Variants in TMEM163 observed in about 807,000 individuals in gnomAD.
TMEM163 encodes the protein transmembrane protein 163.
A neutral mutation model predicts 29.3 loss-of-function variants in TMEM163; 17 were observed. The ratio of observed to expected loss-of-function variants is 0.58; its 90% CI spans 0.40 to 0.87. The LOEUF is 0.87. TMEM163 is among the 40% of genes least tolerant of loss of function. The pLI, the probability that TMEM163 is intolerant of heterozygous loss-of-function variation, is 0.00. For missense variants in TMEM163, 303 were observed against 381.5 expected (o/e 0.79, Z 1.71); for synonymous variants, 157 against 160.6 (o/e 0.98, Z 0.17).
At chr2:134,640,371 G>A (rs1160486623) in intron 2 of TMEM163, among the ~76,000 whole-genome samples, 1 of 152,052 alleles carries the variant, frequency 6.6e-6, no homozygotes, top group Non-Finnish European at 1.5e-5. Context: ...AAAAAGAAAA[G>A]AAATAGCTTT....
chr2:134,679,793 G>A (rs960794877), intron 2 of TMEM163, among the ~76,000 whole-genome samples: 1 of 152,046 alleles, frequency 6.6e-6, no homozygotes, highest in Admixed American at 6.5e-5. Flanking sequence ...CCAGACCTTC[G>A]TCGCCAGCTC....
intron 2 of TMEM163, among the ~76,000 whole-genome samples, chr2:134,661,732 C>T (rs879434079): frequency 9.9e-5 from 15 of 152,012 alleles, no homozygotes; most frequent in Admixed American, 4.6e-4. Context: ...TGCAAATGTA[C>T]GTAGAGCTCA....
At chr2:134,475,139 CAAG>C (rs1480991284) in intron 5 of TMEM163, among the ~76,000 whole-genome samples, 6 of 152,018 alleles carry the variant, frequency 3.9e-5, no homozygotes, top group Non-Finnish European at 1.5e-5. Flanking sequence ...CTATTGTAAT[CAAG>C]AAGTAATACT....
chr2:134,699,203 A>T (rs1574348378), intron 2 of TMEM163, among the ~76,000 whole-genome samples: 1 of 152,310 alleles, frequency 6.6e-6, no homozygotes, highest in Admixed American at 6.5e-5. Flanking sequence ...GCGTATTATA[A>T]TCAAAAGTGT....
chr2:134,681,322 G>T (rs771617119), intron 2 of TMEM163, among the ~76,000 whole-genome samples: 1 of 152,148 alleles, frequency 6.6e-6, no homozygotes, highest in Non-Finnish European at 1.5e-5. Flanking sequence ...TGCCGGGAAG[G>T]CTGGCTATGC....
intron 2 of TMEM163, among the ~76,000 whole-genome samples, chr2:134,605,622 C>T (rs747370078): frequency 2.0e-5 from 3 of 150,284 alleles, no homozygotes; most frequent in Non-Finnish European, 4.4e-5. Flanking sequence ...CACTGGAACC[C>T]GGGAGGTGAG....
chr2:134,551,898 A>G, intron 3 of TMEM163, 150 bp downstream of exon 3: 1 of 630,046 alleles, frequency 1.6e-6, no homozygotes, highest in Non-Finnish European at 2.8e-6. Context: ...TTAAATTTTC[A>G]TTTTTTAATA....
At chr2:134,573,192 A>T (rs1681473041) in intron 2 of TMEM163, among the ~76,000 whole-genome samples, 1 of 152,226 alleles carries the variant, frequency 6.6e-6, no homozygotes, top group Non-Finnish European at 1.5e-5. Context: ...GAAAGGCATG[A>T]ACACAGAAGA....
chr2:134,462,830 G>T (rs1419350090), intron 6 of TMEM163, among the ~76,000 whole-genome samples: 2 of 152,226 alleles, frequency 1.3e-5, no homozygotes, highest in African/African-American at 4.8e-5. Flanking sequence ...AAGGAGGGGG[G>T]TCAAGTCCCA....
intron 5 of TMEM163, among the ~76,000 whole-genome samples, chr2:134,499,301 A>T (rs998378166): frequency 6.6e-6 from 1 of 152,262 alleles, no homozygotes; most frequent in African/African-American, 2.4e-5. Context: ...AACAAACAAA[A>T]ATTAAGCAGC....
Position 134,460,660 on chromosome 2 carries a change from G to A in TMEM163, c.668-2487C>T, listed in dbSNP as rs1686515029. Among the ~76,000 whole-genome samples, 1 of 152,148 alleles carries A rather than the reference G, an allele frequency of 6.6e-6. No individual in the cohort carries two copies. Among genetic ancestry groups the A allele is most frequent in the Admixed American group, 6.5e-5 (1 of 15,274 alleles). ...CCCAGGAGAAGCAAGCCCAAGCCAGGTGCTGCTCAGAAAAGAGGCAAAAGC... is the reference window on the plus strand; with the variant it reads ...CCCAGGAGAAGCAAGCCCAAGCCAGATGCTGCTCAGAAAAGAGGCAAAAGC... On this transcript the variant is annotated intron_variant, in intron 6 of 7. Coordinates refer to ENST00000281924, the MANE Select transcript of TMEM163 (RefSeq NM_030923.5). This position sits in a 1 kb window ranked among gnomAD's most constrained non-coding sequence, Gnocchi z 4.3.
chr2:134,689,109 T>C (rs1343698346), intron 2 of TMEM163, among the ~76,000 whole-genome samples: 1 of 144,064 alleles, frequency 6.9e-6, no homozygotes, highest in Admixed American at 7.0e-5. Flanking sequence ...TTTTTTGTTT[T>C]GTTTTTTTTT....
chr2:134,531,507 T>C (rs1441260945), intron 4 of TMEM163, among the ~76,000 whole-genome samples: 2 of 152,228 alleles, frequency 1.3e-5, no homozygotes, highest in Non-Finnish European at 2.9e-5. Context: ...TGTTTTAACC[T>C]GTGCTTCTGA....
intron 2 of TMEM163, among the ~76,000 whole-genome samples, chr2:134,686,508 G>A (rs1000718579): frequency 9.2e-5 from 14 of 151,978 alleles, no homozygotes; most frequent in African/African-American, 3.1e-4. Context: ...AAAAAGCAAG[G>A]GACTACTTGA....
At chr2:134,612,691 T>C (rs1343759985) in intron 2 of TMEM163, among the ~76,000 whole-genome samples, 5 of 152,130 alleles carry the variant, frequency 3.3e-5, no homozygotes, top group East Asian at 1.9e-4. Flanking sequence ...CCACACACTA[T>C]AGGAAATATA....
At chr2:134,668,625 CAA>C (rs1173331892) in intron 2 of TMEM163, among the ~76,000 whole-genome samples, 10 of 114,252 alleles carry the variant, frequency 8.8e-5, no homozygotes, top group Admixed American at 9.2e-5. Flanking sequence ...AACTCCGTCT[CAA>C]AAAAAAAAAA....
At chr2:134,549,114 A>AC (rs1016496916) in intron 4 of TMEM163, among the ~76,000 whole-genome samples, 6 of 152,090 alleles carry the variant, frequency 3.9e-5, no homozygotes, top group African/African-American at 1.2e-4. Context: ...AAAAAAAAAA[A>AC]AAAACTAATG....
intron 2 of TMEM163, among the ~76,000 whole-genome samples, chr2:134,651,952 G>C (rs1234540119): frequency 8.7e-6 from 1 of 114,938 alleles, no homozygotes; most frequent in Non-Finnish European, 1.7e-5. Flanking sequence ...CTGTAGCCTT[G>C]TAGTATAGTT....
chr2:134,680,187 A>G (rs1684199637), intron 2 of TMEM163, among the ~76,000 whole-genome samples: 1 of 152,200 alleles, frequency 6.6e-6, no homozygotes. Flanking sequence ...AATGTTTTGG[A>G]GCAAAAAATC....
Sources: allele counts gnomAD v4.1 joint callset (sites outside exome capture counted in the v4.1 genomes callset), GRCh38; gene constraint gnomAD v4.1.1; non-coding constraint Gnocchi (gnomAD v3.1); transcripts MANE v1.5; gene names NCBI Gene and HGNC (gene_info 2026-07-23, HGNC 2026-07-21).